ZWILCH: variants seen among roughly 807,000 people sequenced by gnomAD.
ZWILCH encodes the protein protein zwilch homolog.
In ZWILCH, 74 loss-of-function variants were observed where a neutral mutation model predicts 79.9. The observed-to-expected ratio is 0.93, with a 90% CI of 0.77 to 1.12. The LOEUF (loss-of-function observed/expected upper bound fraction) is 1.12. Among genes scored for constraint, ZWILCH ranks in the 50% most tolerant of loss-of-function variants. The probability of loss-of-function intolerance (pLI) is 0.00; values close to 1 mark genes in which losing one functional copy is unlikely to be tolerated. For missense variants in ZWILCH, 694 were observed against 687.5 expected, an observed-to-expected ratio of 1.01 and a Z score of -0.11; for synonymous variants, 241 against 228.2, an observed-to-expected ratio of 1.06 and a Z score of -0.51.
chr15:66,505,380 T>C lies in ZWILCH; in HGVS notation c.42T>C (p.Ser14=). ...RLNCAAEDFY[S]RLLQKFNEEK... is the part of the protein sequence containing the mutation. ...ACTGCGCAGCAGAGGACTTTTATTC[T>C]CGTCTCCTTCAGTGAGTCTAGTCTC... Residue 14 remains serine, a synonymous_variant, in exon 1 of 19, where the codon TCT becomes TCC. Coordinates refer to ENST00000307897, the MANE Select transcript of ZWILCH (RefSeq NM_017975.5). The C allele has an allele frequency of 6.2e-7, 1 of 1,614,148 alleles. No individual in the cohort carries two copies. Among genetic ancestry groups the C allele is most frequent in the Non-Finnish European group, 8.5e-7 (1 of 1,179,998 alleles).
chr15:66,509,216 A>T (rs1015596208), intron 2 of ZWILCH, among the ~76,000 whole-genome samples: 11 of 152,170 alleles, frequency 7.2e-5, no homozygotes, highest in Non-Finnish European at 1.5e-4. Context: ...CTGGGATTAC[A>T]GGCTTGAACC....
At chr15:66,545,638 A>G (rs1289750958) in intron 17 of ZWILCH, among the ~76,000 whole-genome samples, 1 of 152,196 alleles carries the variant, frequency 6.6e-6, no homozygotes, top group African/African-American at 2.4e-5. Flanking sequence ...CTCAAACTCC[A>G]TTTTGGCTTG....
At chr15:66,539,311 G>A (rs1895119770) in intron 16 of ZWILCH, among the ~76,000 whole-genome samples, 1 of 150,620 alleles carries the variant, frequency 6.6e-6, no homozygotes, top group Non-Finnish European at 1.5e-5. Context: ...GCTGAGGTAG[G>A]AGGAATTTCC....
At chr15:66,541,494 C>G (rs554488384) in intron 17 of ZWILCH, among the ~76,000 whole-genome samples, 1 of 152,220 alleles carries the variant, frequency 6.6e-6, no homozygotes, top group South Asian at 2.1e-4. Context: ...CTGATTCATA[C>G]TTGACACTTT....
chr15:66,508,759 A>G (rs1893918362), intron 1 of ZWILCH, 82 bp from the exon 2 acceptor site: 1 of 1,589,830 alleles, frequency 6.3e-7, no homozygotes, highest in Non-Finnish European at 8.6e-7. Flanking sequence ...TCCTGCAGAG[A>G]TAAAGTGATG....
intron 7 of ZWILCH, among the ~76,000 whole-genome samples, chr15:66,522,065 T>G (rs997676423): frequency 5.3e-5 from 8 of 151,604 alleles, no homozygotes; most frequent in East Asian, 2.0e-4. Flanking sequence ...GGGTGTGGTG[T>G]TGTGTGCCTG....
intron 16 of ZWILCH, among the ~76,000 whole-genome samples, chr15:66,538,118 G>A (rs1343416608): frequency 2.0e-5 from 3 of 152,150 alleles, no homozygotes; most frequent in Non-Finnish European, 4.4e-5. Context: ...CACTGAGGTT[G>A]CCTCCAATGA....
intron 8 of ZWILCH, 52 bp downstream of exon 8, chr15:66,523,800 G>A: frequency 7.3e-7 from 1 of 1,368,964 alleles, no homozygotes; most frequent in Non-Finnish European, 1.0e-6. Context: ...TTATAAACAT[G>A]TGTGCTATTG....
intron 1 of ZWILCH, 42 bp from the exon 2 acceptor site, chr15:66,508,799 G>A: frequency 6.2e-7 from 1 of 1,612,522 alleles, no homozygotes; most frequent in Non-Finnish European, 8.5e-7. Flanking sequence ...TAACGGGAGA[G>A]ATAATGTAGT....
In ZWILCH at chr15:66,532,401, T is replaced by C; in HGVS notation, c.1310T>C (p.Ile437Thr). 1.2e-6 allele frequency: 2 copies of C among 1,602,314 alleles called. No homozygotes were observed. The highest frequency in any genetic ancestry group is 1.7e-6 in the Non-Finnish European group (2 of 1,176,272). The change falls in exon 13 of 19, where the codon ATA (isoleucine) becomes ACA (threonine). Residue 437 changes from isoleucine (I) to threonine (T), a missense_variant and splice_region_variant. By Grantham distance (89) the Ile-to-Thr change is moderately conservative (BLOSUM62 -1). Transcript: ENST00000307897. Reference protein sequence around the residue: ...KLKKDYISFFIGQELASLNHL... With the variant: ...KLKKDYISFFTGQELASLNHL... ...AAGAAAGATTATATCAGTTTTTTCA[T>C]AGGTAAGTATCTTTCCTGGCTCAAA...
At chr15:66,542,821 C>T (rs1895236287) in intron 17 of ZWILCH, among the ~76,000 whole-genome samples, 1 of 152,070 alleles carries the variant, frequency 6.6e-6, no homozygotes, top group African/African-American at 2.4e-5. Flanking sequence ...AGCGAGATTC[C>T]ATCTCTAAAA....
At chr15:66,524,911 C>T (rs1894620047) in intron 8 of ZWILCH, among the ~76,000 whole-genome samples, 1 of 152,080 alleles carries the variant, frequency 6.6e-6, no homozygotes, top group African/African-American at 2.4e-5. Context: ...CTCTCTGCAC[C>T]CCTGCAGAGC....
chr15:66,544,720 GTT>G (rs1555426549), intron 17 of ZWILCH, among the ~76,000 whole-genome samples: 7 of 141,298 alleles, frequency 5.0e-5, no homozygotes, highest in African/African-American at 1.3e-4. Context: ...TGTTTTTTTG[GTT>G]TTTGTGTGTG....
chr15:66,542,620 G>T (rs1895229960), intron 17 of ZWILCH, among the ~76,000 whole-genome samples: 1 of 151,990 alleles, frequency 6.6e-6, no homozygotes, highest in South Asian at 2.1e-4. Flanking sequence ...TCAGAAAAGG[G>T]GATATATTTC....
intron 1 of ZWILCH, among the ~76,000 whole-genome samples, chr15:66,506,997 C>T (rs1159595568): frequency 6.6e-6 from 1 of 152,000 alleles, no homozygotes; most frequent in Admixed American, 6.6e-5. Flanking sequence ...GCTGGGACTA[C>T]AGGCGCATGC....
chr15:66,533,106 C>T (rs1476648933), intron 14 of ZWILCH, 93 bp downstream of exon 14: 25 of 806,500 alleles, frequency 3.1e-5, no homozygotes, highest in Non-Finnish European at 3.8e-6. Context: ...TAGCCACTGT[C>T]TTAGGTCCTG....
intron 2 of ZWILCH, among the ~76,000 whole-genome samples, chr15:66,509,822 C>CATATATATATACAT (rs1893971314): frequency 1.1e-5 from 1 of 88,998 alleles, no homozygotes; most frequent in African/African-American, 4.2e-5. Context: ...TGTGTGGCTA[C>CATATATATATACAT]ATATATATAT....
chr15:66,544,724 T>TTTTTTTTTTTTTGTGTGTGTGTG (rs145952622), intron 17 of ZWILCH, among the ~76,000 whole-genome samples: 6 of 128,540 alleles, frequency 4.7e-5, no homozygotes, highest in Admixed American at 4.2e-4. Flanking sequence ...TTTTTGGTTT[T>TTTTTTTTTTTTTGTGTGTGTGTG]TGTGTGTGTG....
intron 13 of ZWILCH, among the ~76,000 whole-genome samples, 184 bp from the exon 14 acceptor site, chr15:66,532,801 C>A (rs1894895323): frequency 6.6e-6 from 1 of 151,348 alleles, no homozygotes; most frequent in Non-Finnish European, 1.5e-5. Context: ...GAAACTTGGC[C>A]TTTTGTGAGG....
Sources: gnomAD v4.1 joint callset for allele counts (sites outside exome capture counted in the v4.1 genomes callset) on GRCh38, gnomAD v4.1.1 for gene constraint, MANE v1.5 for transcripts, NCBI Gene and HGNC (gene_info 2026-07-23, HGNC 2026-07-21) for gene names.